TANGO2: variants seen among roughly 807,000 people sequenced by gnomAD.
TANGO2 encodes the protein transport and Golgi organization protein 2 homolog.
A neutral mutation model predicts 39.1 loss-of-function variants in TANGO2; 26 were observed. The ratio of observed to expected loss-of-function variants is 0.67; its 90% confidence interval spans 0.49 to 0.92. The LOEUF (loss-of-function observed/expected upper bound fraction) is 0.92, where lower values mean the gene tolerates loss of function less well. Ranked by LOEUF, TANGO2 falls within the 40% of genes least tolerant of loss-of-function variation. TANGO2 has a pLI of 0.00. For missense variants in TANGO2, 326 were observed against 360.1 expected (o/e 0.91, Z 0.77); for synonymous variants, 131 against 144.5 (o/e 0.91, Z 0.67).
At chr22:20,034,587 C>T (rs1427192569) in intron 1 of TANGO2, among the ~76,000 whole-genome samples, 1 of 152,200 alleles carries the variant, frequency 6.6e-6, no homozygotes, top group African/African-American at 2.4e-5. Flanking sequence ...TGTGCCACAG[C>T]TTCTCAGAAA....
chr22:20,055,929 C>G lies in TANGO2; in HGVS notation c.381-14C>G. 2 of 1,611,438 alleles carry G rather than the reference C, an allele frequency of 1.2e-6. No homozygotes were observed. The highest frequency in any genetic ancestry group is 1.7e-6 in the Non-Finnish European group (2 of 1,177,640). On this transcript the variant is annotated splice_polypyrimidine_tract_variant and intron_variant, in intron 5 of 8. Coordinates refer to ENST00000327374, the MANE Select transcript of TANGO2 (RefSeq NM_152906.7). ...TATGGCTGTAGTCTGACATTCTCTC[C>G]CCTTGGCCTGCAGCACAGCAAAGGG...
Position 20,032,268 on chromosome 22 carries a change from C to T in TANGO2, c.-39-4492C>T, listed in dbSNP as rs118191255. On this transcript the variant is annotated intron_variant, in intron 1 of 8. Transcript: ENST00000327374. ...AGAATGGAGAGGGGTAAGCATTTTC[C>T]GCCTGGAGAGGATGGGCGTGTGGCC... Among the ~76,000 whole-genome samples, 1,406 of 152,386 alleles carry T rather than the reference C, an allele frequency of 9.2e-3. 18 individuals are homozygous for T. The highest frequency in any genetic ancestry group is 0.015 in the Non-Finnish European group (1,039 of 68,030).
intron 1 of TANGO2, among the ~76,000 whole-genome samples, chr22:20,027,423 A>G (rs1569234590): frequency 6.6e-6 from 1 of 152,224 alleles, no homozygotes; most frequent in Non-Finnish European, 1.5e-5. Flanking sequence ...GCAGCGGGAA[A>G]GCTGGGCAGT....
At chr22:20,021,939 C>A (rs1439395368) in intron 1 of TANGO2, among the ~76,000 whole-genome samples, 1 of 152,260 alleles carries the variant, frequency 6.6e-6, no homozygotes, top group African/African-American at 2.4e-5. Flanking sequence ...CTCAGGCCCC[C>A]TTCCTCTTCA....
intron 3 of TANGO2, among the ~76,000 whole-genome samples, chr22:20,051,710 G>A (rs187524968): frequency 3.3e-5 from 5 of 152,020 alleles, no homozygotes; most frequent in African/African-American, 7.2e-5. Context: ...AAAATCAGCC[G>A]AGTGTGATGG....
intron 4 of TANGO2, 94 bp downstream of exon 4, chr22:20,052,678 A>G (rs1288801291): frequency 6.2e-6 from 9 of 1,457,400 alleles, no homozygotes; most frequent in Non-Finnish European, 8.3e-6. Flanking sequence ...AGGACTGGCC[A>G]ATGTATGGTG....
At chr22:20,022,549 T>C (rs1035597287) in intron 1 of TANGO2, among the ~76,000 whole-genome samples, 13 of 152,254 alleles carry the variant, frequency 8.5e-5, no homozygotes, top group African/African-American at 2.9e-4. Flanking sequence ...TTCCCTGAGC[T>C]AAGGTGACCA....
intron 1 of TANGO2, among the ~76,000 whole-genome samples, chr22:20,030,504 G>A (rs1471321107): frequency 3.3e-5 from 5 of 152,074 alleles, no homozygotes; most frequent in African/African-American, 9.7e-5. Context: ...CCGCCACCAC[G>A]CCCGGCTAAT....
chr22:20,047,020 G>A (rs977513501), intron 3 of TANGO2, among the ~76,000 whole-genome samples: 3 of 152,176 alleles, frequency 2.0e-5, no homozygotes, highest in Non-Finnish European at 1.5e-5. Flanking sequence ...AGGGGAGGTG[G>A]TATGTGCAGA....
At chr22:20,036,903 C>A in intron 2 of TANGO2, 49 bp downstream of exon 2, 1 of 1,614,200 alleles carries the variant, frequency 6.2e-7, no homozygotes, top group Non-Finnish European at 8.5e-7. Flanking sequence ...TCCTGGGTGC[C>A]CAGCCAGTTC....
intron 1 of TANGO2, among the ~76,000 whole-genome samples, chr22:20,025,192 A>G (rs2040495092): frequency 6.7e-6 from 1 of 149,770 alleles, no homozygotes; most frequent in Non-Finnish European, 1.5e-5. Flanking sequence ...CTCAGGTTCA[A>G]TGCGATTCTC....
At chr22:20,027,086 T>C (rs1350560957) in intron 1 of TANGO2, among the ~76,000 whole-genome samples, 1 of 152,068 alleles carries the variant, frequency 6.6e-6, no homozygotes, top group Non-Finnish European at 1.5e-5. Context: ...CTTACAATCA[T>C]GGCAGAAGGA....
At chr22:20,044,283 G>A (rs904615140) in intron 3 of TANGO2, among the ~76,000 whole-genome samples, 1 of 152,194 alleles carries the variant, frequency 6.6e-6, no homozygotes. Flanking sequence ...AACACTTAAG[G>A]AGGCTGAGGC....
At chr22:20,056,664 C>T (rs905902930) in intron 6 of TANGO2, 5 of 456,558 alleles carry the variant, frequency 1.1e-5, no homozygotes, top group African/African-American at 8.0e-5. Flanking sequence ...TGTCACATTG[C>T]CCCCCTCTGC....
In TANGO2 at chr22:20,066,338, C is replaced by G. The variant is rs185028201; in HGVS notation, c.*1676C>G. On this transcript the variant is annotated 3_prime_UTR_variant, in exon 9 of 9. Coordinates refer to ENST00000327374, the MANE Select transcript of TANGO2 (RefSeq NM_152906.7). ...AAGGAGCTTCATCCCTGAGCCTGGC[C>G]GAGTATAAGGGGGTCCCGGATATCC... 6.6e-6 allele frequency: 1 copy of G among 152,234 alleles called. No homozygotes were observed. Among genetic ancestry groups the G allele is most frequent in the Non-Finnish European group, 1.5e-5 (1 of 68,110 alleles). 9.4% of individuals were successfully genotyped at this position (152,234 alleles called of 1,614,324 possible). A position where few individuals can be genotyped will look rare whatever the true frequency, so the allele number is the denominator to read the frequency against.
intron 3 of TANGO2, among the ~76,000 whole-genome samples, chr22:20,043,819 G>A (rs1298199285): frequency 6.6e-6 from 1 of 152,134 alleles, no homozygotes; most frequent in Non-Finnish European, 1.5e-5. Context: ...GTGTGTATGC[G>A]TGCGTGTGTG....
At chr22:20,052,739 G>C (rs185064203) in intron 4 of TANGO2, among the ~76,000 whole-genome samples, 155 bp downstream of exon 4, 83 of 152,254 alleles carry the variant, frequency 5.5e-4, no homozygotes, top group Non-Finnish European at 9.3e-4. Flanking sequence ...GCTTGGGAGT[G>C]GGATGGGGCA....
At chr22:20,034,401 T>G (rs2042455246) in intron 1 of TANGO2, among the ~76,000 whole-genome samples, 1 of 152,242 alleles carries the variant, frequency 6.6e-6, no homozygotes, top group Non-Finnish European at 1.5e-5. Context: ...TCTTTCTGAC[T>G]ATGTACTGCT....
At chr22:20,037,870 G>A (rs1210505601) in intron 2 of TANGO2, among the ~76,000 whole-genome samples, 1 of 152,100 alleles carries the variant, frequency 6.6e-6, no homozygotes, top group Non-Finnish European at 1.5e-5. Context: ...GGCCAAGGTG[G>A]GCGGATCACA....
Sources: allele counts gnomAD v4.1 joint callset (sites outside exome capture counted in the v4.1 genomes callset), GRCh38; gene constraint gnomAD v4.1.1; transcripts MANE v1.5; gene names NCBI Gene and HGNC (gene_info 2026-07-23, HGNC 2026-07-21).